SMARCC1: variants seen among roughly 807,000 people sequenced by gnomAD.
The protein encoded by SMARCC1 is SWI/SNF related BAF chromatin remodeling complex subunit C1.
A neutral mutation model predicts 147.4 loss-of-function variants in SMARCC1; 43 were observed. That is an observed-to-expected ratio of 0.29 (90% CI 0.23 to 0.38). The LOEUF is 0.38. SMARCC1 is among the 10% of genes least tolerant of loss of function. The probability of loss-of-function intolerance (pLI) is 1.00; values close to 1 mark genes in which losing one functional copy is unlikely to be tolerated. For missense variants in SMARCC1, 1,119 were observed against 1,381.1 expected (o/e 0.81, Z 3.01); for synonymous variants, 495 against 484.4 (o/e 1.02, Z -0.29).
intron 21 of SMARCC1, among the ~76,000 whole-genome samples, chr3:47,660,040 C>CTCT (rs2033322987): frequency 6.6e-6 from 1 of 152,122 alleles, no homozygotes; most frequent in Non-Finnish European, 1.5e-5. Context: ...TACCATATAA[C>CTCT]TCAGCAATTC....
chr3:47,654,529 A>G (rs1363573837), intron 21 of SMARCC1, among the ~76,000 whole-genome samples: 3 of 152,200 alleles, frequency 2.0e-5, no homozygotes, highest in Non-Finnish European at 4.4e-5. Context: ...ATCTTAGTCC[A>G]TTTTCTGCTG....
chr3:47,627,590 G>A (rs1335915456), intron 24 of SMARCC1, among the ~76,000 whole-genome samples: 3 of 152,146 alleles, frequency 2.0e-5, no homozygotes, highest in African/African-American at 2.4e-5. Flanking sequence ...AGCACTACCA[G>A]CAAAGGATGA....
At chr3:47,608,632 G>A (rs2032515905) in intron 26 of SMARCC1, among the ~76,000 whole-genome samples, 1 of 151,992 alleles carries the variant, frequency 6.6e-6, no homozygotes, top group Non-Finnish European at 1.5e-5. Context: ...GATTGCTTGA[G>A]CCCAGAAGTT....
At chr3:47,652,183 C>T (rs942917399) in intron 21 of SMARCC1, among the ~76,000 whole-genome samples, 5 of 152,042 alleles carry the variant, frequency 3.3e-5, no homozygotes, top group Non-Finnish European at 5.9e-5. Flanking sequence ...GCTATGTTGA[C>T]CAGGCTGGTC....
chr3:47,736,539 G>A (rs2034446115), intron 4 of SMARCC1, among the ~76,000 whole-genome samples: 2 of 151,886 alleles, frequency 1.3e-5, no homozygotes, highest in African/African-American at 4.8e-5. Flanking sequence ...AGCCAGGCGT[G>A]GTGGTGGGCG....
intron 9 of SMARCC1, among the ~76,000 whole-genome samples, chr3:47,707,319 G>GAA (rs112319199): frequency 1.2e-4 from 16 of 137,834 alleles, no homozygotes; most frequent in South Asian, 2.3e-4. Flanking sequence ...CTCAAAGAAG[G>GAA]AAAAAAAAAA....
At chr3:47,613,385 CTTT>C (rs200905934) in intron 25 of SMARCC1, among the ~76,000 whole-genome samples, 14 of 141,082 alleles carry the variant, frequency 9.9e-5, no homozygotes, top group Non-Finnish European at 9.4e-5. Flanking sequence ...GAACTTTTCT[CTTT>C]TTTTTTTTTT....
chr3:47,647,869 T>C (rs2033138663), intron 21 of SMARCC1, among the ~76,000 whole-genome samples: 3 of 152,282 alleles, frequency 2.0e-5, no homozygotes, highest in African/African-American at 7.2e-5. Context: ...ATTTGAACTT[T>C]GTATTGTGGC....
intron 21 of SMARCC1, among the ~76,000 whole-genome samples, chr3:47,651,546 C>A (rs2033191302): frequency 6.6e-6 from 1 of 152,172 alleles, no homozygotes; most frequent in Non-Finnish European, 1.5e-5. Flanking sequence ...ATACTGGGAA[C>A]ACTCTTACAC....
chr3:47,690,234 G>A (rs1259290341), intron 12 of SMARCC1, among the ~76,000 whole-genome samples: 1 of 152,040 alleles, frequency 6.6e-6, no homozygotes, highest in African/African-American at 2.4e-5. Flanking sequence ...GGGTGCAGTC[G>A]CTCACACCTA....
In SMARCC1 at chr3:47,720,742, G is replaced by A. The variant is rs1271687081; in HGVS notation, c.647-7C>T. ...ACCGGTCTCAACCATTCTTCTGGAA[G>A]AGAAAAAGAAACAACTTTACTCAAA... On this transcript the variant is annotated splice_polypyrimidine_tract_variant and splice_region_variant and intron_variant, in intron 6 of 27. Transcript: ENST00000254480. The A allele has an allele frequency of 6.2e-7, 1 of 1,600,540 alleles. No individual in the cohort carries two copies. The highest frequency in any genetic ancestry group is 8.5e-7 in the Non-Finnish European group (1 of 1,171,648).
At chr3:47,760,232 T>C (rs1211457662) in intron 2 of SMARCC1, among the ~76,000 whole-genome samples, 2 of 151,866 alleles carry the variant, frequency 1.3e-5, no homozygotes, top group African/African-American at 4.8e-5. Context: ...GAGAATCGCA[T>C]GAACCCAGGA....
chr3:47,682,398 C>T (rs2033664461), intron 14 of SMARCC1, among the ~76,000 whole-genome samples: 1 of 152,036 alleles, frequency 6.6e-6, no homozygotes, highest in East Asian at 1.9e-4. Flanking sequence ...TCTGCCCCAG[C>T]CTCCAGGATA....
intron 26 of SMARCC1, chr3:47,603,920 G>A (rs1184637751): frequency 2.4e-6 from 1 of 411,424 alleles, no homozygotes; most frequent in Non-Finnish European, 4.8e-6. Flanking sequence ...TCTACCAAAA[G>A]TTGGAGTTAT....
At chr3:47,720,865 G>T (rs1576421679) in intron 6 of SMARCC1, 130 bp from the exon 7 acceptor site, 1 of 726,430 alleles carries the variant, frequency 1.4e-6, no homozygotes, top group Admixed American at 2.6e-5. Context: ...TGCTGTTGCT[G>T]GTTTGGAAAG....
chr3:47,770,695 TA>T (rs1027934385), intron 2 of SMARCC1, among the ~76,000 whole-genome samples: 1 of 151,938 alleles, frequency 6.6e-6, no homozygotes, highest in African/African-American at 2.4e-5. Context: ...TAAAAAAAGG[TA>T]AAAAATGAAA....
chr3:47,650,996 G>T (rs2033182793), intron 21 of SMARCC1, among the ~76,000 whole-genome samples: 1 of 152,076 alleles, frequency 6.6e-6, no homozygotes, highest in South Asian at 2.1e-4. Context: ...GTTACAGTAA[G>T]ACTTGAAAAA....
At chr3:47,778,884 A>G (rs2035010036) in intron 1 of SMARCC1, among the ~76,000 whole-genome samples, 1 of 151,900 alleles carries the variant, frequency 6.6e-6, no homozygotes. Context: ...GGTACTCAGG[A>G]GGCTGAGGTG....
intron 1 of SMARCC1, among the ~76,000 whole-genome samples, chr3:47,777,409 T>C (rs532461225): frequency 2.0e-5 from 3 of 151,494 alleles, no homozygotes; most frequent in Non-Finnish European, 2.9e-5. Flanking sequence ...ACAGTGAATA[T>C]AGGCCGGGTG....
Sources: gnomAD v4.1 joint callset for allele counts (sites outside exome capture counted in the v4.1 genomes callset) on GRCh38, gnomAD v4.1.1 for gene constraint, MANE v1.5 for transcripts, NCBI Gene and HGNC (gene_info 2026-07-23, HGNC 2026-07-21) for gene names.